Variants in CDH12 observed in about 807,000 individuals in gnomAD.
The protein encoded by CDH12 is cadherin 12, also known as cadherin-12.
CDH12 carries 41 observed loss-of-function variants against 74.1 expected under a neutral mutation model. The ratio of observed to expected loss-of-function variants is 0.55; its 90% CI spans 0.43 to 0.72. The LOEUF (loss-of-function observed/expected upper bound fraction) is 0.72. Ranked by LOEUF, CDH12 falls within the 30% of genes least tolerant of loss-of-function variation. CDH12 has a pLI of 0.00. For missense variants in CDH12, 945 were observed against 977.2 expected (o/e 0.97, Z 0.44); for synonymous variants, 399 against 355.0 (o/e 1.12, Z -1.39).
intron 1 of CDH12, among the ~76,000 whole-genome samples, chr5:22,688,507 C>G (rs914119425): frequency 6.6e-6 from 1 of 152,108 alleles, no homozygotes; most frequent in Non-Finnish European, 1.5e-5. Context: ...ATCCATTGGC[C>G]AACTAATAGT....
chr5:22,190,358 GTCTATCTA>G (rs79679304), intron 4 of CDH12, among the ~76,000 whole-genome samples: 2,524 of 119,852 alleles, frequency 0.021, 30 homozygotes, highest in Admixed American at 0.037. Flanking sequence ...CTGTCTGTCT[GTCTATCTA>G]TCTATCTATC....
intron 6 of CDH12, among the ~76,000 whole-genome samples, chr5:21,881,532 T>G (rs543821811): frequency 9.5e-4 from 144 of 152,300 alleles, no homozygotes; most frequent in Admixed American, 1.9e-3. Context: ...AAGTTCTTCA[T>G]AAAATAACTA....
intron 5 of CDH12, among the ~76,000 whole-genome samples, chr5:22,063,894 C>T (rs1027133756): frequency 6.6e-6 from 1 of 151,912 alleles, no homozygotes; most frequent in Non-Finnish European, 1.5e-5. Flanking sequence ...TGATGGCTTA[C>T]ACTGCAGATC....
At chr5:22,161,689 C>T (rs1748363179) in intron 4 of CDH12, among the ~76,000 whole-genome samples, 1 of 140,306 alleles carries the variant, frequency 7.1e-6, no homozygotes, top group Admixed American at 7.5e-5. Flanking sequence ...GAGAACCTCT[C>T]AAAAGGAAGG....
chr5:22,822,608 T>A (rs1222294720), intron 1 of CDH12, among the ~76,000 whole-genome samples: 2 of 152,154 alleles, frequency 1.3e-5, no homozygotes, highest in African/African-American at 4.8e-5. Flanking sequence ...AAGACATTTA[T>A]GCAGCCAAAA....
intron 3 of CDH12, among the ~76,000 whole-genome samples, chr5:22,326,552 T>A (rs2150441704): frequency 6.6e-6 from 1 of 152,284 alleles, no homozygotes; most frequent in African/African-American, 2.4e-5. Flanking sequence ...TGGCTTTACA[T>A]CTCATGAAAC....
chr5:21,967,016 A>C (rs996234922), intron 6 of CDH12, among the ~76,000 whole-genome samples: 2 of 152,030 alleles, frequency 1.3e-5, no homozygotes, highest in African/African-American at 4.8e-5. Context: ...CACCTGAATC[A>C]GTGGGTATAA....
At chr5:22,755,525 A>G (rs1258646488) in intron 1 of CDH12, among the ~76,000 whole-genome samples, 2 of 152,110 alleles carry the variant, frequency 1.3e-5, no homozygotes, top group African/African-American at 2.4e-5. Flanking sequence ...AGTAATGCAC[A>G]TTTTTTGGTA....
intron 10 of CDH12, among the ~76,000 whole-genome samples, chr5:21,784,882 T>G (rs960031861): frequency 1.3e-5 from 2 of 152,174 alleles, no homozygotes; most frequent in African/African-American, 4.8e-5. Flanking sequence ...CATTCCACAC[T>G]AGTCTGTATC....
chr5:21,800,238 A>G (rs1470761417), intron 10 of CDH12, among the ~76,000 whole-genome samples: 1 of 152,062 alleles, frequency 6.6e-6, no homozygotes, highest in African/African-American at 2.4e-5. Context: ...TGATATTTAG[A>G]TGACACTTTG....
intron 1 of CDH12, among the ~76,000 whole-genome samples, chr5:22,750,685 C>T (rs1745520339): frequency 6.6e-6 from 1 of 151,982 alleles, no homozygotes; most frequent in African/African-American, 2.4e-5. Context: ...TTTTGGGATA[C>T]TGATGACACA....
intron 3 of CDH12, among the ~76,000 whole-genome samples, chr5:22,283,234 AT>A (rs1736983062): frequency 1.7e-5 from 1 of 58,236 alleles, no homozygotes; most frequent in Admixed American, 1.6e-4. Context: ...ATATATATAT[AT>A]ATATATATAT....
intron 3 of CDH12, among the ~76,000 whole-genome samples, chr5:22,401,339 T>G (rs189323680): frequency 2.6e-5 from 4 of 152,336 alleles, no homozygotes; most frequent in African/African-American, 9.6e-5. Flanking sequence ...CTACTTTTTA[T>G]TTCTATAGGG....
chr5:22,394,324 T>C (rs557244237), intron 3 of CDH12, among the ~76,000 whole-genome samples: 1 of 152,264 alleles, frequency 6.6e-6, no homozygotes, highest in East Asian at 1.9e-4. Context: ...GAGACTGTTA[T>C]AGCAGACATA....
rs747466944 is a variant in CDH12 at position 22,497,638 on chromosome 5, CT to C, written c.-428+7631del. On this transcript the variant is annotated intron_variant, in intron 2 of 14. Transcript: ENST00000382254. ...CAAGGCCCCACTGCCTGTCGAATCT[CT>C]TTTTTTTTTTTTTTTTTTTTTGAGA... Among the ~76,000 whole-genome samples the C allele has an allele frequency of 7.1e-3, 589 of 83,204 alleles. 4 individuals carry two copies. Among genetic ancestry groups the C allele is most frequent in the African/African-American group, 0.026 (548 of 21,432 alleles). 54.6% of individuals were successfully genotyped at this position (83,204 alleles called of 152,430 possible).
intron 13 of CDH12, among the ~76,000 whole-genome samples, chr5:21,759,829 C>A (rs1198432013): frequency 3.9e-5 from 6 of 151,998 alleles, no homozygotes; most frequent in Non-Finnish European, 8.8e-5. Context: ...GCTCCTTTCC[C>A]TCCTCCCATC....
At chr5:22,554,183 G>A (rs535530919) in intron 1 of CDH12, among the ~76,000 whole-genome samples, 1 of 152,280 alleles carries the variant, frequency 6.6e-6, no homozygotes, top group Admixed American at 6.5e-5. Flanking sequence ...ATGCAACACA[G>A]AGGATTTTTA....
rs376382433 is a variant in CDH12, at chr5:21,899,141, A to G, written c.527-44351T>C. 3.9e-5 allele frequency among the ~76,000 whole-genome samples: 6 copies of G among 152,350 alleles called. No individual in the cohort carries two copies. The East Asian group carries it at 1.2e-3, about 29-fold the overall frequency. ...TCCTTAACATCTAAATTTAACAATC[A>G]TAAATACCATGGAGTTATCTGTGAT... is the stretch of plus-strand genomic sequence containing the variant. On this transcript the variant is annotated intron_variant, in intron 6 of 14. Coordinates refer to ENST00000382254, the MANE Select transcript of CDH12 (RefSeq NM_004061.5).
chr5:22,251,756 T>A (rs951199908), intron 3 of CDH12, among the ~76,000 whole-genome samples: 3 of 152,196 alleles, frequency 2.0e-5, no homozygotes, highest in African/African-American at 7.2e-5. Context: ...CTATTGGAAT[T>A]CCTCTACAAT....
Sources: allele counts gnomAD v4.1 joint callset (sites outside exome capture counted in the v4.1 genomes callset), GRCh38; gene constraint gnomAD v4.1.1; transcripts MANE v1.5; gene names NCBI Gene and HGNC (gene_info 2026-07-23, HGNC 2026-07-21).